The following ZMYM4 variants were observed in gnomAD, a reference collection of about 807,000 sequenced individuals.
ZMYM4 encodes the protein zinc finger MYM-type containing 4.
In ZMYM4, 31 loss-of-function variants were observed where a neutral mutation model predicts 183.2. The observed-to-expected ratio is 0.17, with a 90% CI of 0.13 to 0.23. The LOEUF (loss-of-function observed/expected upper bound fraction) is 0.23, where lower values mean the gene tolerates loss of function less well. Among genes scored for constraint, ZMYM4 ranks in the 10% least tolerant of loss-of-function variants. The probability of loss-of-function intolerance (pLI) is 1.00; values close to 1 mark genes in which losing one functional copy is unlikely to be tolerated. For missense variants in ZMYM4, 1,273 were observed against 1,840.3 expected, an observed-to-expected ratio of 0.69 and a Z score of 5.64; for synonymous variants, 592 against 631.2, an observed-to-expected ratio of 0.94 and a Z score of 0.93.
chr1:35,373,217 T>C (rs1644252558), intron 7 of ZMYM4, among the ~76,000 whole-genome samples: 1 of 150,100 alleles, frequency 6.7e-6, no homozygotes, highest in African/African-American at 2.5e-5. Context: ...TTTATGTCAG[T>C]ATAAATAAAT....
chr1:35,407,176 G>C (rs1237017689), intron 25 of ZMYM4, among the ~76,000 whole-genome samples: 5 of 152,190 alleles, frequency 3.3e-5, no homozygotes, highest in African/African-American at 1.2e-4. Context: ...GCTTATACTT[G>C]TAATCCCAGC....
chr1:35,319,091 G>A (rs1007933416), intron 1 of ZMYM4, among the ~76,000 whole-genome samples: 1 of 152,076 alleles, frequency 6.6e-6, no homozygotes, highest in Admixed American at 6.6e-5. Context: ...TGTTGGTCAG[G>A]CTGGTCTCGA....
In ZMYM4 at chr1:35,397,365, T is replaced by G. The variant is rs749872251; in HGVS notation, c.3031-12T>G. 2 of 1,572,192 alleles carry G rather than the reference T, an allele frequency of 1.3e-6. No individual in the cohort carries two copies. The highest frequency in any genetic ancestry group is 2.7e-5 in the African/African-American group (2 of 73,362). ...GCCAAAGAAAGCCTTCAGTCTATCC[T>G]TGGTCTTTCAGATGCCTGTCCCTAT... On this transcript the variant is annotated splice_polypyrimidine_tract_variant and intron_variant, in intron 19 of 29. Transcript: ENST00000314607.
chr1:35,304,450 AT>A (rs375570147), intron 1 of ZMYM4, among the ~76,000 whole-genome samples: 7 of 147,686 alleles, frequency 4.7e-5, no homozygotes, highest in African/African-American at 1.0e-4. Flanking sequence ...CAGTTATTTG[AT>A]TTTTTTTTCT....
chr1:35,280,959 C>T (rs957769682), intron 1 of ZMYM4, among the ~76,000 whole-genome samples: 5 of 152,024 alleles, frequency 3.3e-5, no homozygotes, highest in South Asian at 4.2e-4. Flanking sequence ...GTCGGCACCT[C>T]GATCCTTTTT....
rs1257154502 is a variant in ZMYM4, at chr1:35,385,607, A to G, written c.1720+15A>G. 2.5e-6 allele frequency: 4 copies of G among 1,571,802 alleles called. No individual in the cohort carries two copies. The East Asian group carries it at 9.2e-5, about 36-fold the overall frequency. Reference sequence around the variant, plus strand: ...TACTTCTGCAGGTAATATTGGTTTCACAAACTATGAAATGCAATGGTTGAA... The same window carrying G: ...TACTTCTGCAGGTAATATTGGTTTCGCAAACTATGAAATGCAATGGTTGAA... On this transcript the variant is annotated intron_variant, in intron 10 of 29. Transcript: ENST00000314607.
Position 35,393,758 on chromosome 1 carries a change from C to A in ZMYM4, c.2911+19C>A. The A allele has an allele frequency of 6.4e-7, 1 of 1,561,194 alleles. No homozygotes were observed. The highest frequency in any genetic ancestry group is 8.6e-7 in the Non-Finnish European group (1 of 1,157,382). On this transcript the variant is annotated intron_variant, in intron 18 of 29. Transcript: ENST00000314607. Reference sequence around the variant, plus strand: ...CAGACAGGTATGTTCCTTGGTCTTTCTTTCTTTATTAATTTTTTAAGGGAA... The same window carrying A: ...CAGACAGGTATGTTCCTTGGTCTTTATTTCTTTATTAATTTTTTAAGGGAA...
At chr1:35,333,556 C>CCCA (rs1166164873) in intron 2 of ZMYM4, among the ~76,000 whole-genome samples, 1 of 152,036 alleles carries the variant, frequency 6.6e-6, no homozygotes. Context: ...CTGCGCCTGG[C>CCCA]CCATATATGA....
At chr1:35,382,226 ATATATGTATG>A (rs1296414114) in intron 9 of ZMYM4, among the ~76,000 whole-genome samples, 5 of 150,704 alleles carry the variant, frequency 3.3e-5, no homozygotes, top group African/African-American at 1.2e-4. Context: ...ATATATACGT[ATATATGTATG>A]TATATGTATA....
At chr1:35,286,772 ATTTTTTTTTTTTTTTTTTTTTTT>A (rs71062872) in intron 1 of ZMYM4, among the ~76,000 whole-genome samples, 3 of 46,462 alleles carry the variant, frequency 6.5e-5, no homozygotes, top group African/African-American at 1.3e-4. Context: ...TATTTAAATA[ATTTTTTTTTTTTTTTTTTTTTTT>A]TTTTTTTTTT....
At chr1:35,416,898 TG>T (rs1640138399) in intron 28 of ZMYM4, among the ~76,000 whole-genome samples, 1 of 152,144 alleles carries the variant, frequency 6.6e-6, no homozygotes, top group Non-Finnish European at 1.5e-5. Flanking sequence ...GAAAGGCAGG[TG>T]GATAATGTTT....
intron 21 of ZMYM4, 78 bp from the exon 22 acceptor site, chr1:35,398,786 G>A: frequency 1.1e-5 from 16 of 1,468,936 alleles, no homozygotes; most frequent in Non-Finnish European, 1.5e-5. Context: ...TGGTATTTAG[G>A]GGTTCAGGAA....
At chr1:35,356,794 T>G (rs1643833616) in intron 2 of ZMYM4, among the ~76,000 whole-genome samples, 3 of 152,088 alleles carry the variant, frequency 2.0e-5, no homozygotes, top group Admixed American at 2.0e-4. Context: ...TTGAAGAATC[T>G]CAAGGGAGGA....
Position 35,415,533 on chromosome 1 carries a change from A to G in ZMYM4, c.4128A>G (p.Pro1376=). ...WECKQLGAYS[P]IVLLNTLLFF... ...GCAAACAGCTGGGCGCTTACTCACC[A>G]ATCGTCCTTTTAAACACCCTCCTTT... Residue 1376 remains proline (P), a synonymous_variant, in exon 28 of 30, where the codon CCA becomes CCG. Coordinates refer to ENST00000314607, the MANE Select transcript of ZMYM4 (RefSeq NM_005095.3). The G allele has an allele frequency of 6.2e-7, 1 of 1,614,204 alleles. No individual in the cohort carries two copies. The highest frequency in any genetic ancestry group is 8.5e-7 in the Non-Finnish European group (1 of 1,180,026).
chr1:35,283,797 T>G (rs1172775920), intron 1 of ZMYM4, among the ~76,000 whole-genome samples: 1 of 152,176 alleles, frequency 6.6e-6, no homozygotes, highest in Non-Finnish European at 1.5e-5. Flanking sequence ...TTAAGTCCTT[T>G]GTGCATGTTT....
At position 35,407,387 on chromosome 1, in the gene ZMYM4, C is replaced by T. The variant is rs1008868921; in HGVS notation, c.3797-621C>T. On this transcript the variant is annotated intron_variant, in intron 25 of 29. Coordinates refer to ENST00000314607, the MANE Select transcript of ZMYM4 (RefSeq NM_005095.3). ...AGGTTGCAGTGAGCCGAGATTGTGC[C>T]ATTGCACCCCAGCCTGGGCAATAAA... 7.4e-5 allele frequency among the ~76,000 whole-genome samples: 11 copies of T among 149,102 alleles called. No individual in the cohort carries two copies. The East Asian group carries it at 1.2e-3, about 16-fold the overall frequency.
intron 3 of ZMYM4, 49 bp from the exon 4 acceptor site, chr1:35,361,145 T>G (rs1318220532): frequency 4.0e-6 from 6 of 1,487,512 alleles, no homozygotes; most frequent in African/African-American, 1.4e-5. Context: ...TTTGTAAGAT[T>G]TGTTATTCAT....
rs538359690 is a variant in ZMYM4 at position 35,411,984 on chromosome 1, C to T, written c.3949-1988C>T. 3.9e-4 allele frequency among the ~76,000 whole-genome samples: 57 copies of T among 146,880 alleles called. No homozygotes were observed. The South Asian group carries it at 7.1e-3, about 18-fold the overall frequency. On this transcript the variant is annotated intron_variant, in intron 26 of 29. Coordinates refer to ENST00000314607, the MANE Select transcript of ZMYM4 (RefSeq NM_005095.3). ...TGCAAGCTCCGCCTCCTGGGTTCAA[C>T]GCCATTCTCCTGCCTCAGCCTCCGA...
chr1:35,272,916 A>G (rs1302458453), intron 1 of ZMYM4, among the ~76,000 whole-genome samples: 4 of 151,996 alleles, frequency 2.6e-5, no homozygotes, highest in Admixed American at 1.3e-4. Context: ...GGGTTTCACC[A>G]TGTTAGCCAG....
Sources: gnomAD v4.1 joint callset for allele counts (sites outside exome capture counted in the v4.1 genomes callset) on GRCh38, gnomAD v4.1.1 for gene constraint, MANE v1.5 for transcripts, NCBI Gene and HGNC (gene_info 2026-07-23, HGNC 2026-07-21) for gene names.